DSCAML1: variants seen among roughly 807,000 people sequenced by gnomAD.
DSCAML1 encodes cell adhesion molecule DSCAML1.
In DSCAML1, 38 loss-of-function variants were observed where a neutral mutation model predicts 200.5. The ratio of observed to expected loss-of-function variants is 0.19; its 90% CI spans 0.15 to 0.25. The LOEUF is 0.25. DSCAML1 is among the 10% of genes least tolerant of loss of function. DSCAML1 has a pLI of 1.00. For missense variants in DSCAML1, 2,223 were observed against 2,858.8 expected, an observed-to-expected ratio of 0.78 and a Z score of 5.07; for synonymous variants, 1,215 against 1,165.0, an observed-to-expected ratio of 1.04 and a Z score of -0.87.
intron 3 of DSCAML1, among the ~76,000 whole-genome samples, chr11:117,597,437 G>A (rs894161907): frequency 7.2e-5 from 11 of 152,142 alleles, no homozygotes; most frequent in Non-Finnish European, 1.6e-4. Context: ...CAAGAAGGAG[G>A]ACCTAGGAAT....
chr11:117,593,327 A>T (rs1177984025), intron 3 of DSCAML1, among the ~76,000 whole-genome samples: 1 of 152,074 alleles, frequency 6.6e-6, no homozygotes, highest in Non-Finnish European at 1.5e-5. Flanking sequence ...AGATTCCCCA[A>T]AGCAGCCACA....
intron 3 of DSCAML1, among the ~76,000 whole-genome samples, chr11:117,666,768 T>C (rs1343487126): frequency 6.6e-6 from 1 of 152,232 alleles, no homozygotes; most frequent in Non-Finnish European, 1.5e-5. Context: ...CAGAGGGCTA[T>C]AAGCCTTGAT....
Position 117,741,047 on chromosome 11 carries a change from A to T in DSCAML1, c.511+35744T>A, listed in dbSNP as rs572559157. Among the ~76,000 whole-genome samples, 3 of 152,388 alleles carry T rather than the reference A, an allele frequency of 2.0e-5. No individual in the cohort carries two copies. In the South Asian group the frequency reaches 6.2e-4, roughly 32 times the overall value. On this transcript the variant is annotated intron_variant, in intron 3 of 32. Coordinates refer to ENST00000651296, the MANE Select transcript of DSCAML1 (RefSeq NM_020693.4). Reference sequence around the variant, plus strand: ...TACCTGGCAACTACCAATGTGGGGTACATTTTCTTTGTTTTCTTATTTATA... The same window carrying T: ...TACCTGGCAACTACCAATGTGGGGTTCATTTTCTTTGTTTTCTTATTTATA...
chr11:117,509,560 G>C (rs150816811), intron 8 of DSCAML1, among the ~76,000 whole-genome samples: 51 of 152,252 alleles, frequency 3.3e-4, no homozygotes, highest in Admixed American at 1.4e-3. Context: ...ACTCACATCC[G>C]GTCAATACAC....
chr11:117,542,921 T>A (rs574490737), intron 3 of DSCAML1, among the ~76,000 whole-genome samples: 1 of 152,220 alleles, frequency 6.6e-6, no homozygotes, highest in Non-Finnish European at 1.5e-5. Flanking sequence ...GGAAAGTGTG[T>A]GCTGCATGCT....
intron 3 of DSCAML1, among the ~76,000 whole-genome samples, chr11:117,629,439 TGGGTGCACATG>T (rs1350763800): frequency 2.0e-5 from 3 of 151,150 alleles, no homozygotes; most frequent in Non-Finnish European, 4.4e-5. Flanking sequence ...TACTGGGGGA[TGGGTGCACATG>T]GGGAGCCCTG....
chr11:117,671,040 A>T (rs2053095570), intron 3 of DSCAML1, among the ~76,000 whole-genome samples: 1 of 152,168 alleles, frequency 6.6e-6, no homozygotes, highest in South Asian at 2.1e-4. Flanking sequence ...CAAGAGGCCA[A>T]TTCCCTCTGG....
intron 1 of DSCAML1, among the ~76,000 whole-genome samples, chr11:117,791,965 G>A (rs1205385916): frequency 6.6e-6 from 1 of 152,234 alleles, no homozygotes; most frequent in Non-Finnish European, 1.5e-5. Flanking sequence ...GAGGCCCAAA[G>A]TCACATGGCC....
Position 117,503,697 on chromosome 11 carries a change from G to A in DSCAML1, c.2359+148C>T, listed in dbSNP as rs113551360. ...GTGCTTTTGAATGCCCCATCCAAGG[G>A]TCCCAAGGCCACCTCTCACTAGGAA... is the stretch of plus-strand genomic sequence containing the variant. On this transcript the variant is annotated intron_variant, in intron 11 of 32. Transcript: ENST00000651296. This position sits in a 1 kb window ranked among gnomAD's most constrained non-coding sequence, Gnocchi z 5.2. The A allele has an allele frequency of 1.7e-4, 159 of 952,682 alleles. 1 individual carries two copies. The African/African-American group carries it at 2.3e-3, about 14-fold the overall frequency. 59.0% of individuals were successfully genotyped at this position (952,682 alleles called of 1,614,324 possible).
intron 3 of DSCAML1, among the ~76,000 whole-genome samples, chr11:117,597,965 C>T (rs575343634): frequency 6.6e-6 from 1 of 152,060 alleles, no homozygotes; most frequent in South Asian, 2.1e-4. Flanking sequence ...GCATACTGAG[C>T]GTATAGAAAT....
intron 3 of DSCAML1, among the ~76,000 whole-genome samples, chr11:117,706,528 C>A (rs185462836): frequency 5.9e-5 from 9 of 152,174 alleles, no homozygotes; most frequent in Admixed American, 1.3e-4. Flanking sequence ...TACAGTGAAT[C>A]CCTTTATCAC....
rs2049815244 is a variant in DSCAML1 at position 117,518,292 on chromosome 11, GGAT to G, written c.1510+171_1510+173del. On this transcript the variant is annotated intron_variant, in intron 7 of 32. Coordinates refer to ENST00000651296, the MANE Select transcript of DSCAML1 (RefSeq NM_020693.4). The surrounding 1 kb of genome is among the most constrained non-coding windows in gnomAD (Gnocchi z 6.3). ...CAGACACACACACGCACACAAGAAT[GGAT>G]GATGGCGCTTGAGGAGGGCAGGAAA... is the stretch of plus-strand genomic sequence containing the variant. The G allele has an allele frequency of 1.2e-6, 1 of 801,918 alleles. No homozygotes were observed. Among genetic ancestry groups the G allele is most frequent in the Non-Finnish European group, 2.0e-6 (1 of 491,944 alleles). The allele number at this position is 801,918 out of a possible 1,614,324, so 49.7% of individuals were successfully genotyped here.
chr11:117,613,253 G>A (rs1475732265), intron 3 of DSCAML1, among the ~76,000 whole-genome samples: 2 of 151,946 alleles, frequency 1.3e-5, no homozygotes, highest in African/African-American at 4.8e-5. Flanking sequence ...GATGTTGCTG[G>A]GGACGCACAC....
Position 117,776,925 on chromosome 11 carries a change from G to A in DSCAML1, c.377C>T (p.Pro126Leu). The change falls in exon 3 of 33, where the codon CCC (proline) becomes CTC (leucine). Residue 126 changes from proline (P) to leucine (L), a missense_variant. This residue lies in a region of DSCAML1 where 579 missense variants were observed against 721.5 expected (regional missense o/e 0.80). Coordinates refer to ENST00000651296, the MANE Select transcript of DSCAML1 (RefSeq NM_020693.4). ...NIRVKAVFREPYTVRVEDQRS... is the reference protein window; with the variant it reads ...NIRVKAVFRELYTVRVEDQRS... ...TTGATCCTCCACCCGGACGGTGTAGGGTTCCCTGAAAACTGCAGAGAGATT... is the reference window on the plus strand; with the variant it reads ...TTGATCCTCCACCCGGACGGTGTAGAGTTCCCTGAAAACTGCAGAGAGATT... 1 of 1,613,948 alleles carries A rather than the reference G, an allele frequency of 6.2e-7. No individual in the cohort carries two copies. Among genetic ancestry groups the A allele is most frequent in the Non-Finnish European group, 8.5e-7 (1 of 1,180,028 alleles).
chr11:117,660,768 A>G (rs1438764826), intron 3 of DSCAML1, among the ~76,000 whole-genome samples: 1 of 152,232 alleles, frequency 6.6e-6, no homozygotes. Context: ...AGGGGAGCTC[A>G]TTCACATGGA....
chr11:117,464,856 CAGAG>C, intron 17 of DSCAML1, 82 bp downstream of exon 17: 1 of 1,554,906 alleles, frequency 6.4e-7, no homozygotes, highest in South Asian at 1.2e-5. Context: ...CAGGGGCAAA[CAGAG>C]GGACCCACAA....
chr11:117,648,639 C>T (rs1164643846), intron 3 of DSCAML1, among the ~76,000 whole-genome samples: 4 of 152,234 alleles, frequency 2.6e-5, no homozygotes, highest in South Asian at 4.2e-4. Context: ...ATGGGAACAG[C>T]GGTAATACCT....
chr11:117,770,362 C>T (rs1158159883), intron 3 of DSCAML1, among the ~76,000 whole-genome samples: 2 of 152,180 alleles, frequency 1.3e-5, no homozygotes, highest in Non-Finnish European at 2.9e-5. Flanking sequence ...TCTCCAGACT[C>T]ATAAGTAGTT....
At chr11:117,652,307 G>T (rs1479507407) in intron 3 of DSCAML1, among the ~76,000 whole-genome samples, 1 of 152,230 alleles carries the variant, frequency 6.6e-6, no homozygotes, top group South Asian at 2.1e-4. Context: ...CCTGGGCTAC[G>T]CATGTGATGC....
Sources: gnomAD v4.1 joint callset for allele counts (sites outside exome capture counted in the v4.1 genomes callset) on GRCh38, gnomAD v4.1.1 for gene constraint, gnomAD v4.1.1 regional missense constraint, Gnocchi (gnomAD v3.1) non-coding constraint, MANE v1.5 for transcripts, NCBI Gene and HGNC (gene_info 2026-07-23, HGNC 2026-07-21) for gene names.